The following MACROD2 variants were observed in gnomAD, a reference collection of about 807,000 sequenced individuals.
MACROD2 encodes the protein mono-ADP ribosylhydrolase 2.
A neutral mutation model predicts 70.4 loss-of-function variants in MACROD2; 36 were observed. The observed-to-expected ratio is 0.51, with a 90% CI of 0.39 to 0.68. The LOEUF (loss-of-function observed/expected upper bound fraction) is 0.68. Among genes scored for constraint, MACROD2 ranks in the 30% least tolerant of loss-of-function variants. MACROD2 has a pLI of 0.00. For missense variants in MACROD2, 496 were observed against 538.4 expected (o/e 0.92, Z 0.78); for synonymous variants, 172 against 178.8 (o/e 0.96, Z 0.30).
At chr20:15,185,578 G>A (rs576864288) in intron 5 of MACROD2, among the ~76,000 whole-genome samples, 1 of 152,260 alleles carries the variant, frequency 6.6e-6, no homozygotes, top group South Asian at 2.1e-4. Flanking sequence ...AAGGAAGTCA[G>A]TTTCAAATGT....
intron 3 of MACROD2, among the ~76,000 whole-genome samples, chr20:14,174,968 T>C (rs560156160): frequency 1.3e-5 from 2 of 152,282 alleles, no homozygotes; most frequent in African/African-American, 4.8e-5. Flanking sequence ...TCAGTGAGAG[T>C]GTGTGTTCCA....
chr20:14,608,476 C>G (rs569296883), intron 4 of MACROD2, among the ~76,000 whole-genome samples: 1 of 152,192 alleles, frequency 6.6e-6, no homozygotes, highest in South Asian at 2.1e-4. Context: ...AAACTCAGGC[C>G]TAAGTGAAGT....
chr20:15,673,534 T>G (rs376882517), intron 8 of MACROD2, among the ~76,000 whole-genome samples: 28 of 152,302 alleles, frequency 1.8e-4, no homozygotes, highest in Admixed American at 1.2e-3. Context: ...ATTAAAAAAT[T>G]TTAAAAGCTT....
intron 6 of MACROD2, among the ~76,000 whole-genome samples, chr20:15,230,553 G>A (rs1008270660): frequency 3.9e-5 from 6 of 152,116 alleles, no homozygotes; most frequent in Non-Finnish European, 8.8e-5. Context: ...CTCTGCGTAT[G>A]TATTTTAACC....
chr20:15,420,959 G>A (rs774483535), intron 6 of MACROD2, among the ~76,000 whole-genome samples: 5 of 152,068 alleles, frequency 3.3e-5, no homozygotes, highest in South Asian at 2.1e-4. Context: ...ATAGTGGTGC[G>A]TGCCTATGGT....
intron 6 of MACROD2, among the ~76,000 whole-genome samples, chr20:15,323,617 A>G (rs2077895599): frequency 6.6e-6 from 1 of 152,190 alleles, no homozygotes; most frequent in African/African-American, 2.4e-5. Context: ...TAAACCTGTT[A>G]GTTGTCCCCC....
Position 14,022,985 on chromosome 20 carries a change from G to A in MACROD2, c.163+20581G>A, listed in dbSNP as rs1002399925. Among the ~76,000 whole-genome samples the A allele has an allele frequency of 9.2e-5, 14 of 152,258 alleles. No homozygotes were observed. In the South Asian group the frequency reaches 1.7e-3, roughly 18 times the overall value. ...ATTGCTGGGCCAAATGATATTTCTG[G>A]TTCTAGATCCTTGAGGAATCGCCAC... On this transcript the variant is annotated intron_variant, in intron 2 of 17. Transcript: ENST00000684519.
At chr20:15,203,833 T>C (rs1199805224) in intron 5 of MACROD2, among the ~76,000 whole-genome samples, 1 of 152,130 alleles carries the variant, frequency 6.6e-6, no homozygotes, top group African/African-American at 2.4e-5. Flanking sequence ...AAAAATCCTA[T>C]GTTAAATTAA....
intron 3 of MACROD2, among the ~76,000 whole-genome samples, chr20:14,219,047 T>C (rs1273036520): frequency 2.6e-5 from 4 of 152,332 alleles, no homozygotes; most frequent in African/African-American, 9.6e-5. Context: ...TTCCTGGGTG[T>C]TCTTTGTGCT....
At chr20:14,747,093 C>T (rs748862145) in intron 5 of MACROD2, among the ~76,000 whole-genome samples, 24 of 152,282 alleles carry the variant, frequency 1.6e-4, no homozygotes, top group Non-Finnish European at 2.8e-4. Context: ...TCCAACAAAA[C>T]CAACATGAAT....
In MACROD2 at chr20:15,396,453, T is replaced by TA. The variant is rs566077905; in HGVS notation, c.541-34951dup. Among the ~76,000 whole-genome samples, 135 of 152,298 alleles carry TA rather than the reference T, an allele frequency of 8.9e-4. 1 individual carries two copies. The highest frequency in any genetic ancestry group is 1.3e-3 in the Admixed American group (20 of 15,302). ...TAGTGAGCAGCCTTAATACTGTAAT[T>TA]ATGAAGAAGCAAGTCTTCTCTAAAT... On this transcript the variant is annotated intron_variant, in intron 6 of 17. Transcript: ENST00000684519.
At chr20:14,804,706 C>T (rs1175417522) in intron 5 of MACROD2, among the ~76,000 whole-genome samples, 1 of 151,946 alleles carries the variant, frequency 6.6e-6, no homozygotes, top group Non-Finnish European at 1.5e-5. Flanking sequence ...CTGATGACCT[C>T]CATGGAAACT....
chr20:14,314,436 A>C (rs1231400342), intron 3 of MACROD2, among the ~76,000 whole-genome samples: 1 of 152,208 alleles, frequency 6.6e-6, no homozygotes, highest in Non-Finnish European at 1.5e-5. Context: ...TAAGATACCA[A>C]GAAAATGTTT....
intron 2 of MACROD2, among the ~76,000 whole-genome samples, chr20:14,074,615 A>T (rs1294640444): frequency 6.6e-6 from 1 of 151,998 alleles, no homozygotes; most frequent in Non-Finnish European, 1.5e-5. Flanking sequence ...CCAAGTGGGG[A>T]TTCACATCCA....
chr20:14,849,654 G>A (rs111721801), intron 5 of MACROD2, among the ~76,000 whole-genome samples: 12 of 152,184 alleles, frequency 7.9e-5, no homozygotes, highest in South Asian at 2.1e-4. Flanking sequence ...GGTGGAGGGC[G>A]CCTGTAATCC....
chr20:14,773,910 T>C (rs1199147349), intron 5 of MACROD2, among the ~76,000 whole-genome samples: 2 of 152,104 alleles, frequency 1.3e-5, no homozygotes, highest in Non-Finnish European at 2.9e-5. Flanking sequence ...CATCTTAATG[T>C]CTTTTTTAAA....
chr20:14,220,718 G>GT, intron 3 of MACROD2, among the ~76,000 whole-genome samples: 2 of 152,236 alleles, frequency 1.3e-5, no homozygotes, highest in South Asian at 4.1e-4. Flanking sequence ...CTCTACCCCT[G>GT]TATTTTGCTT....
At chr20:15,361,082 T>G (rs1368038178) in intron 6 of MACROD2, among the ~76,000 whole-genome samples, 1 of 152,116 alleles carries the variant, frequency 6.6e-6, no homozygotes, top group Non-Finnish European at 1.5e-5. Context: ...ATTTATAGAT[T>G]TTTTTCTTTT....
chr20:14,382,625 G>A (rs1421470743), intron 3 of MACROD2, among the ~76,000 whole-genome samples: 1 of 151,888 alleles, frequency 6.6e-6, no homozygotes, highest in Non-Finnish European at 1.5e-5. Flanking sequence ...CTGAGATCGT[G>A]CCACTGCACT....
Sources: allele counts gnomAD v4.1 joint callset (sites outside exome capture counted in the v4.1 genomes callset), GRCh38; gene constraint gnomAD v4.1.1; transcripts MANE v1.5; gene names NCBI Gene and HGNC (gene_info 2026-07-23, HGNC 2026-07-21).